The following LIMS2 variants were observed in gnomAD, a reference collection of about 807,000 sequenced individuals.
The protein encoded by LIMS2 is LIM zinc finger domain containing 2.
Under a neutral mutation model 45.3 loss-of-function variants are expected in LIMS2, and 30 were observed. The observed-to-expected ratio is 0.66, with a 90% CI of 0.50 to 0.90. The LOEUF (loss-of-function observed/expected upper bound fraction) is 0.90. LIMS2 is among the 40% of genes least tolerant of loss of function. LIMS2 has a pLI of 0.00. For synonymous variants in LIMS2, 173 were observed against 188.0 expected (o/e 0.92, Z 0.65); for missense variants, 485 against 468.7 (o/e 1.03, Z -0.32).
At chr2:127,657,269 C>T (rs1684319183) in intron 2 of LIMS2, 134 bp downstream of exon 2, 1 of 1,021,992 alleles carries the variant, frequency 9.8e-7, no homozygotes, top group South Asian at 1.5e-5. Flanking sequence ...CGTGCAGGAG[C>T]TCAAGCCTGG....
intron 4 of LIMS2, among the ~76,000 whole-genome samples, chr2:127,644,269 C>A (rs184095093): frequency 1.1e-4 from 17 of 152,276 alleles, no homozygotes; most frequent in African/African-American, 3.8e-4. Context: ...GTCAGCTGAC[C>A]GAATGCCTCG....
In LIMS2 at chr2:127,638,952, G is replaced by C. The variant is rs1682109114; in HGVS notation, c.*329C>G. 1 of 315,280 alleles carries C rather than the reference G, an allele frequency of 3.2e-6. No individual in the cohort carries two copies. Among genetic ancestry groups the C allele is most frequent in the African/African-American group, 2.2e-5 (1 of 46,080 alleles). 19.5% of individuals were successfully genotyped at this position (315,280 alleles called of 1,614,324 possible). On this transcript the variant is annotated 3_prime_UTR_variant, in exon 10 of 10. Coordinates refer to ENST00000355119, the MANE Select transcript of LIMS2 (RefSeq NM_001161403.3). Reference sequence around the variant, plus strand: ...CCACTGAGCCGCCTGGGGAGGGCCAGGCCAGGCGGGGAGCTGTGGTGCAAT... The same window carrying C: ...CCACTGAGCCGCCTGGGGAGGGCCACGCCAGGCGGGGAGCTGTGGTGCAAT...
At chr2:127,648,255 A>T in intron 4 of LIMS2, 1 of 945,662 alleles carries the variant, frequency 1.1e-6, no homozygotes, top group Non-Finnish European at 1.3e-6. Context: ...AGGCATCTTG[A>T]AACACTCTGA....
rs1204739672 is a variant in LIMS2, at chr2:127,675,095, C to T, written c.-71G>A. ...CTCCCTCTGCTGCTGCAGCCGCCAGCCGAGCGCCCGCCCGCCAGCCCGGGC... is the reference window on the plus strand; with the variant it reads ...CTCCCTCTGCTGCTGCAGCCGCCAGTCGAGCGCCCGCCCGCCAGCCCGGGC... On this transcript the variant is annotated 5_prime_UTR_variant, in exon 1 of 10. Coordinates refer to ENST00000355119, the MANE Select transcript of LIMS2 (RefSeq NM_001161403.3). 35 of 1,217,724 alleles carry T rather than the reference C, an allele frequency of 2.9e-5. No individual in the cohort carries two copies. Among genetic ancestry groups the T allele is most frequent in the Admixed American group, 4.3e-5 (1 of 23,484 alleles). 75.4% of individuals were successfully genotyped at this position (1,217,724 alleles called of 1,614,324 possible).
In LIMS2 at chr2:127,647,461, C is replaced by G. The variant is rs1683115680; in HGVS notation, c.360-4389G>C. 6.6e-6 allele frequency among the ~76,000 whole-genome samples: 1 copy of G among 152,190 alleles called. No individual in the cohort carries two copies. The highest frequency in any genetic ancestry group is 6.5e-5 in the Admixed American group (1 of 15,284). ...AACATGGGGCTAAAACTGGTTTGAG[C>G]CAGCACAGGCAGGCCCCCACCATGC... On this transcript the variant is annotated intron_variant, in intron 4 of 9. Coordinates refer to ENST00000355119, the MANE Select transcript of LIMS2 (RefSeq NM_001161403.3). This position sits in a 1 kb window ranked among gnomAD's most constrained non-coding sequence, Gnocchi z 4.3.
rs1365383838 is a variant in LIMS2 at position 127,664,289 on chromosome 2, C to A, written c.12-6727G>T. On this transcript the variant is annotated intron_variant, in intron 1 of 9. Transcript: ENST00000355119. The surrounding 1 kb of genome is among the most constrained non-coding windows in gnomAD (Gnocchi z 5.5). ...CGGCCATTGTCCCCGCCACCCGCCC[C>A]GCCCCTGGCCACCTACCCCGTGGCT... The A allele has an allele frequency of 4.0e-6, 5 of 1,235,498 alleles. No individual in the cohort carries two copies. In the East Asian group the frequency reaches 9.7e-5, roughly 24 times the overall value. The allele number at this position is 1,235,498 out of a possible 1,614,324, so 76.5% of individuals were successfully genotyped here.
At chr2:127,654,962 T>C (rs1684156745) in intron 2 of LIMS2, 66 bp from the exon 3 acceptor site, 1 of 1,476,524 alleles carries the variant, frequency 6.8e-7, no homozygotes, top group Non-Finnish European at 9.4e-7. Context: ...GCCCAGGCCC[T>C]TGTTGGGTCA....
rs775450533 is a variant in LIMS2, at chr2:127,657,524, C to T, written c.50G>A (p.Arg17His). The T allele has an allele frequency of 1.6e-5, 26 of 1,611,192 alleles. No homozygotes were observed. The highest frequency in any genetic ancestry group is 1.3e-4 in the Admixed American group (8 of 59,880). Residue 17 changes from arginine (R) to histidine (H), a missense_variant, in exon 2 of 10, where the codon CGC becomes CAC. By Grantham distance (29) the Arg-to-His change is conservative. Transcript: ENST00000355119. ...SDALANAVCQ[R>H]CQARFSPAER... Reference sequence around the variant, plus strand: ...GGCGGGGGAGAAGCGGGCCTGGCAGCGCTGGCACACGGCGTTGGCCAAGGC... The same window carrying T: ...GGCGGGGGAGAAGCGGGCCTGGCAGTGCTGGCACACGGCGTTGGCCAAGGC...
In LIMS2 at chr2:127,654,708, G is replaced by C. The variant is rs554279452; in HGVS notation, c.238+122C>G. 4 of 1,462,858 alleles carry C rather than the reference G, an allele frequency of 2.7e-6. No individual in the cohort carries two copies. The African/African-American group carries it at 4.2e-5, about 15-fold the overall frequency. The allele number at this position is 1,462,858 out of a possible 1,614,324, so 90.6% of individuals were successfully genotyped here. A position where few individuals can be genotyped will look rare whatever the true frequency, so the allele number is the denominator to read the frequency against. On this transcript the variant is annotated intron_variant, in intron 3 of 9. Coordinates refer to ENST00000355119, the MANE Select transcript of LIMS2 (RefSeq NM_001161403.3). ...GGGGGCCTGACGGCTGCCGCTCAGA[G>C]AGGCAAGGTGGGGAGTTAGGAAAGA... is the stretch of plus-strand genomic sequence containing the variant.
intron 4 of LIMS2, among the ~76,000 whole-genome samples, chr2:127,644,834 C>T (rs1290207570): frequency 1.3e-5 from 2 of 152,184 alleles, no homozygotes; most frequent in African/African-American, 2.4e-5. Flanking sequence ...TCCAGACAGC[C>T]GCCTGCGGGC....
chr2:127,651,531 G>A (rs772741899), intron 4 of LIMS2: 3 of 1,612,514 alleles, frequency 1.9e-6, no homozygotes, highest in Non-Finnish European at 2.5e-6. Flanking sequence ...CCGCAGCCAT[G>A]GGGCCTCCTG....
rs1685310932 is a variant in LIMS2, at chr2:127,672,457, C to T, written c.11+2557G>A. 6.6e-6 allele frequency among the ~76,000 whole-genome samples: 1 copy of T among 152,118 alleles called. No individual in the cohort carries two copies. Among genetic ancestry groups the T allele is most frequent in the South Asian group, 2.1e-4 (1 of 4,818 alleles). ...CCACGGCTCCCCCTCAGACTTGCCA[C>T]AGCTCTTCAAGCACTCCACAACCAC... On this transcript the variant is annotated intron_variant, in intron 1 of 9. Transcript: ENST00000355119. The surrounding 1 kb of genome is among the most constrained non-coding windows in gnomAD (Gnocchi z 4.9).
intron 4 of LIMS2, among the ~76,000 whole-genome samples, chr2:127,649,056 AAAGG>A (rs1243863077): frequency 2.1e-5 from 3 of 139,728 alleles, no homozygotes; most frequent in Non-Finnish European, 3.2e-5. Context: ...AGAAAAGAAG[AAAGG>A]AAGGAAGGAA....
chr2:127,652,543 G>A (rs1460791945), intron 4 of LIMS2: 1 of 166,834 alleles, frequency 6.0e-6, no homozygotes, highest in Non-Finnish European at 1.5e-5. Context: ...CTCTCCGCCT[G>A]AGCTATTTCC....
chr2:127,641,970 G>A (rs1430208992), intron 6 of LIMS2, 79 bp downstream of exon 6: 9 of 1,486,230 alleles, frequency 6.1e-6, no homozygotes, highest in Admixed American at 4.2e-5. Flanking sequence ...GGAGTGTGGA[G>A]GAGCTTTAGG....
At chr2:127,654,806 G>T in intron 3 of LIMS2, 24 bp downstream of exon 3, 19 of 1,612,954 alleles carry the variant, frequency 1.2e-5, no homozygotes, top group Non-Finnish European at 1.5e-5. Context: ...GGCAGCCCAG[G>T]ATGTGTACTG....
chr2:127,651,237 G>C (rs1467316487), intron 4 of LIMS2: 1 of 1,607,290 alleles, frequency 6.2e-7, no homozygotes, highest in Admixed American at 1.7e-5. Context: ...CCCGCTGCTG[G>C]TGAGCCCACA....
chr2:127,673,919 G>A, intron 1 of LIMS2: 1 of 615,628 alleles, frequency 1.6e-6, no homozygotes, highest in Non-Finnish European at 2.9e-6. Context: ...CCAAGGCTTA[G>A]AGGTGACTCC....
At chr2:127,665,077 G>T (rs561586453) in intron 1 of LIMS2, among the ~76,000 whole-genome samples, 1 of 152,268 alleles carries the variant, frequency 6.6e-6, no homozygotes, top group African/African-American at 2.4e-5. Context: ...CACCAGGAAG[G>T]CACCATGTAC....
Sources: gnomAD v4.1 joint callset for allele counts (sites outside exome capture counted in the v4.1 genomes callset) on GRCh38, gnomAD v4.1.1 for gene constraint, Gnocchi (gnomAD v3.1) non-coding constraint, MANE v1.5 for transcripts, NCBI Gene and HGNC (gene_info 2026-07-23, HGNC 2026-07-21) for gene names.